Variants in PLA2G4E observed in about 807,000 individuals in gnomAD.
PLA2G4E encodes phospholipase A2 group IVE.
PLA2G4E carries 84 observed loss-of-function variants against 109.1 expected under a neutral mutation model. The ratio of observed to expected loss-of-function variants is 0.77; its 90% CI spans 0.65 to 0.92. PLA2G4E has a LOEUF of 0.92. Ranked by LOEUF, PLA2G4E falls within the 40% of genes least tolerant of loss-of-function variation. PLA2G4E has a pLI of 0.00. For missense variants in PLA2G4E, 1,057 were observed against 1,076.6 expected, an observed-to-expected ratio of 0.98 and a Z score of 0.25; for synonymous variants, 469 against 436.1, an observed-to-expected ratio of 1.08 and a Z score of -0.94.
intron 5 of PLA2G4E, among the ~76,000 whole-genome samples, chr15:42,004,418 A>C (rs113469807): frequency 0.027 from 4,082 of 151,076 alleles, 91 homozygotes; most frequent in Non-Finnish European, 0.035. Context: ...AGAAGGAAGG[A>C]AGGCAGGCAG....
chr15:42,004,824 G>A, intron 5 of PLA2G4E, 114 bp downstream of exon 5: 2 of 1,128,690 alleles, frequency 1.8e-6, no homozygotes, highest in Non-Finnish European at 2.6e-6. Context: ...TGCCAGGAGT[G>A]AGACTGGAAG....
Position 41,988,159 on chromosome 15 carries a change from G to T in PLA2G4E, c.1724-3C>A. On this transcript the variant is annotated splice_region_variant and splice_polypyrimidine_tract_variant and intron_variant, in intron 15 of 19. Coordinates refer to ENST00000399518, the Ensembl canonical transcript of PLA2G4E. ...GGAGAAGATGCTGCTCCACAGGCCT[G>T]GGAGCCAGGGCCAGCGTGAGCAGCT... 2 of 1,586,650 alleles carry T rather than the reference G, an allele frequency of 1.3e-6. No individual in the cohort carries two copies. Among genetic ancestry groups the T allele is most frequent in the Admixed American group, 1.8e-5 (1 of 56,638 alleles).
intron 7 of PLA2G4E, 27 bp from the exon 8 acceptor site, chr15:42,000,309 C>T (rs759657574): frequency 1.9e-5 from 29 of 1,538,408 alleles, no homozygotes; most frequent in Non-Finnish European, 2.5e-5. Flanking sequence ...GAGGGTGAGA[C>T]CCTGGGAGCC....
chr15:41,992,603 T>C, intron 13 of PLA2G4E, 134 bp downstream of exon 13: 1 of 839,502 alleles, frequency 1.2e-6, no homozygotes, highest in Non-Finnish European at 1.8e-6. Flanking sequence ...CTTATCGGTC[T>C]TCCAGCCCAA....
At chr15:41,992,783 AAGGTGACCCTGTAGCCTTCCT>A (rs767422620) in exon 13 of PLA2G4E, 7 of 1,613,158 alleles carry the variant, frequency 4.3e-6, no homozygotes, top group Non-Finnish European at 5.9e-6. Context: ...GAAGTCTGTA[AAGGTGACCCTGTAGCCTTCCT>A]GGCTGCGCTG....
chr15:41,984,021 G>A, intron 19 of PLA2G4E, 47 bp from the exon 20 acceptor site: 5 of 1,517,772 alleles, frequency 3.3e-6, no homozygotes, highest in Non-Finnish European at 3.6e-6. Context: ...ATGTTAGGTT[G>A]GAATGACTTG....
chr15:42,000,870 C>T (rs943233656), intron 7 of PLA2G4E, among the ~76,000 whole-genome samples: 2 of 152,194 alleles, frequency 1.3e-5, no homozygotes, highest in Non-Finnish European at 2.9e-5. Flanking sequence ...GAGGTCCTGG[C>T]ATGGCACAGC....
exon 20 of PLA2G4E, chr15:41,983,775 C>G: frequency 6.3e-7 from 1 of 1,598,062 alleles, no homozygotes; most frequent in Non-Finnish European, 8.5e-7. Flanking sequence ...ACTGGCCCTT[C>G]AGGCGCTTCT....
chr15:41,999,771 TG>T (rs2068394049), intron 9 of PLA2G4E, 145 bp downstream of exon 9: 4 of 1,086,718 alleles, frequency 3.7e-6, no homozygotes, highest in Non-Finnish European at 5.5e-6. Flanking sequence ...ATCAGTCTCC[TG>T]CCCCACAAGA....
At chr15:41,997,077 T>C in intron 11 of PLA2G4E, 47 bp downstream of exon 11, 1 of 1,517,320 alleles carries the variant, frequency 6.6e-7, no homozygotes, top group South Asian at 1.3e-5. Context: ...GGCATGGTGC[T>C]GGAAGGACCA....
At chr15:42,008,729 G>A (rs771883609) in intron 2 of PLA2G4E, among the ~76,000 whole-genome samples, 3 of 152,168 alleles carry the variant, frequency 2.0e-5, no homozygotes, top group Non-Finnish European at 4.4e-5. Context: ...AGGCAGAGGG[G>A]CCATGACTGC....
At chr15:42,027,823 C>T (rs1005799923) in intron 1 of PLA2G4E, among the ~76,000 whole-genome samples, 9 of 152,260 alleles carry the variant, frequency 5.9e-5, no homozygotes, top group African/African-American at 2.2e-4. Flanking sequence ...CTATCTCATC[C>T]ATCACAGCCC....
intron 1 of PLA2G4E, among the ~76,000 whole-genome samples, chr15:42,040,189 AACACACACACACACGC>A (rs1392453451): frequency 2.0e-5 from 3 of 151,436 alleles, no homozygotes; most frequent in Non-Finnish European, 3.0e-5. Context: ...AAAACTTTAA[AACACACACACACACGC>A]ACACACACAC....
chr15:41,995,425 C>T (rs759945837), exon 12 of PLA2G4E: 1 of 1,613,876 alleles, frequency 6.2e-7, no homozygotes, highest in African/African-American at 1.3e-5. Context: ...TCTGCAGCCC[C>T]AGCAGGTGGC....
intron 1 of PLA2G4E, among the ~76,000 whole-genome samples, chr15:42,024,595 C>T (rs2068677322): frequency 6.6e-6 from 1 of 152,176 alleles, no homozygotes; most frequent in Non-Finnish European, 1.5e-5. Context: ...CCCCTGTGGG[C>T]CCAGCAAGGA....
chr15:41,995,487 T>A lies in PLA2G4E; in HGVS notation c.1120A>T (p.Ile374Leu), dbSNP rs921664012. Residue 374 changes from isoleucine (I) to leucine (L), a missense_variant, in exon 12 of 20, where the codon ATA becomes TTA. Transcript: ENST00000399518. ...CCACCCCCAGTGGCCATGATGGCTA[T>A]CAGCGGCACCTGGGGTTACACAGAG... 2.5e-6 allele frequency: 4 copies of A among 1,613,762 alleles called. No homozygotes were observed. The African/African-American group carries it at 5.3e-5, about 22-fold the overall frequency.
intron 1 of PLA2G4E, among the ~76,000 whole-genome samples, chr15:42,026,467 G>A (rs1429571066): frequency 6.6e-6 from 1 of 152,140 alleles, no homozygotes; most frequent in African/African-American, 2.4e-5. Flanking sequence ...CATCAGAAAT[G>A]CAAATAAAAA....
intron 1 of PLA2G4E, among the ~76,000 whole-genome samples, chr15:42,043,140 GT>G (rs1420859748): frequency 6.6e-6 from 1 of 152,164 alleles, no homozygotes; most frequent in Non-Finnish European, 1.5e-5. Flanking sequence ...CTAATGATCT[GT>G]TCCAGTTTTG....
exon 12 of PLA2G4E, chr15:41,995,435 C>T (rs2068322782): frequency 1.2e-6 from 2 of 1,613,856 alleles, no homozygotes; most frequent in South Asian, 1.1e-5. Context: ...CAGCAGGTGG[C>T]CATACATGGA....
Sources: allele counts gnomAD v4.1 joint callset (sites outside exome capture counted in the v4.1 genomes callset), GRCh38; gene constraint gnomAD v4.1.1; transcripts MANE v1.5; gene names NCBI Gene and HGNC (gene_info 2026-07-23, HGNC 2026-07-21).